Variants in MRPL46 observed in about 807,000 individuals in gnomAD.
MRPL46 encodes the protein mitochondrial ribosomal protein L46.
In MRPL46, 26 loss-of-function variants were observed where a neutral mutation model predicts 31.0. The observed-to-expected ratio is 0.84, with a 90% CI of 0.61 to 1.16. The LOEUF (loss-of-function observed/expected upper bound fraction) is 1.16, where lower values mean the gene tolerates loss of function less well. MRPL46 is among the 50% of genes most tolerant of loss of function. The probability of loss-of-function intolerance (pLI) is 0.00; values close to 1 mark genes in which losing one functional copy is unlikely to be tolerated. For synonymous variants in MRPL46, 159 were observed against 141.3 expected (o/e 1.13, Z -0.89); for missense variants, 395 against 340.0 (o/e 1.16, Z -1.27).
intron 2 of MRPL46, 193 bp downstream of exon 2, chr15:88,465,394 C>A: frequency 1.9e-6 from 1 of 538,946 alleles, no homozygotes; most frequent in South Asian, 4.2e-5. Flanking sequence ...AAGGCTATTC[C>A]AATACCCTTA....
In MRPL46 at chr15:88,459,665, T is replaced by C. The variant is rs771013191; in HGVS notation, c.788A>G (p.Tyr263Cys). Reference protein sequence around the residue: ...VWVTKDELGDYLKPKYLAQVR... With the variant: ...VWVTKDELGDCLKPKYLAQVR... Reference sequence around the variant, plus strand: ...TTGGGCCAGGTATTTTGGTTTCAAATAGTCACCCAGCTCATCCTTAGTGAC... The same window carrying C: ...TTGGGCCAGGTATTTTGGTTTCAAACAGTCACCCAGCTCATCCTTAGTGAC... Residue 263 changes from tyrosine (Y) to cysteine (C), a missense_variant, in exon 4 of 4, where the codon TAT becomes TGT. By Grantham distance (194) the Tyr-to-Cys change is radical. Coordinates refer to ENST00000312475, the MANE Select transcript of MRPL46 (RefSeq NM_022163.4). The C allele has an allele frequency of 5.0e-6, 8 of 1,614,216 alleles. No individual in the cohort carries two copies. The highest frequency in any genetic ancestry group is 5.9e-6 in the Non-Finnish European group (7 of 1,180,032).
intron 3 of MRPL46, chr15:88,461,477 A>G (rs957226440): frequency 2.0e-5 from 3 of 152,226 alleles, no homozygotes; most frequent in African/African-American, 7.2e-5. Context: ...ATGAAAATAA[A>G]TATCACTGGC....
At chr15:88,460,165 T>TTCAGCCCAGTCGCTATCTGCTGGCGAA (rs1468656362) in intron 3 of MRPL46, 8,835 of 350,456 alleles carry the variant, frequency 0.025, 815 homozygotes, top group African/African-American at 0.17. Flanking sequence ...AGTTCCTACA[T>TTCAGCCCAGTCGCTATCTGCTGGCGAA]TCAGCCCAGT....
chr15:88,463,584 GAGAGGAGTAGCTCTGTCTTCCTGA>G lies in MRPL46; in HGVS notation c.589+1095_589+1118del, dbSNP rs1294802179. 1 of 152,210 alleles carries G rather than the reference GAGAGGAGTAGCTCTGTCTTCCTGA, an allele frequency of 6.6e-6. No homozygotes were observed. Among genetic ancestry groups the G allele is most frequent in the African/African-American group, 2.4e-5 (1 of 41,454 alleles). 9.4% of individuals were successfully genotyped at this position (152,210 alleles called of 1,614,324 possible). A position where few individuals can be genotyped will look rare whatever the true frequency, so the allele number is the denominator to read the frequency against. On this transcript the variant is annotated intron_variant, in intron 3 of 3. Transcript: ENST00000312475. This position sits in a 1 kb window ranked among gnomAD's most constrained non-coding sequence, Gnocchi z 5.4. ...CACACCAGTGCTACGGGAGCCTAGA[GAGAGGAGTAGCTCTGTCTTCCTGA>G]AGGCTCAGGAAAGGTTTCACCACAT...
intron 1 of MRPL46, 51 bp downstream of exon 1, chr15:88,467,099 T>C: frequency 6.3e-7 from 1 of 1,588,428 alleles, no homozygotes; most frequent in Non-Finnish European, 8.6e-7. Context: ...AATTACTCGC[T>C]CAAAGTCACG....
chr15:88,465,874 C>T, intron 1 of MRPL46, 101 bp from the exon 2 acceptor site: 1 of 1,145,100 alleles, frequency 8.7e-7, no homozygotes, highest in South Asian at 1.7e-5. Context: ...ACTTGGCAAG[C>T]TCAGAAGTTT....
intron 1 of MRPL46, among the ~76,000 whole-genome samples, chr15:88,466,836 T>A (rs1407795373): frequency 1.3e-5 from 2 of 152,146 alleles, no homozygotes; most frequent in Non-Finnish European, 2.9e-5. Flanking sequence ...TTAACATTCA[T>A]CACATCACAA....
intron 1 of MRPL46, 137 bp downstream of exon 1, chr15:88,467,013 C>T (rs916640328): frequency 3.1e-6 from 3 of 967,004 alleles, no homozygotes; most frequent in Non-Finnish European, 4.6e-6. Context: ...TGTTGAACAT[C>T]TATGTACCAA....
chr15:88,465,108 C>T, intron 2 of MRPL46: 2 of 454,554 alleles, frequency 4.4e-6, no homozygotes, highest in Non-Finnish European at 7.6e-6. Flanking sequence ...GAACAGCAAA[C>T]CATATTTTGA....
chr15:88,464,569 A>G, intron 3 of MRPL46, 134 bp downstream of exon 3: 1 of 1,006,620 alleles, frequency 9.9e-7, no homozygotes, highest in Admixed American at 2.9e-5. Context: ...TTCTGGCTGA[A>G]ATTTTTATAA....
chr15:88,464,425 C>T (rs757079507), intron 3 of MRPL46: 32 of 376,598 alleles, frequency 8.5e-5, no homozygotes, highest in Non-Finnish European at 1.4e-4. Context: ...GATAAGAAGA[C>T]AAGCAGGCTG....
intron 3 of MRPL46, chr15:88,460,796 T>A (rs1016980118): frequency 6.6e-6 from 1 of 152,126 alleles, no homozygotes; most frequent in African/African-American, 2.4e-5. Context: ...AGTGCAGTCG[T>A]GCAATCTTGG....
In MRPL46 at chr15:88,459,652, T is replaced by C. The variant is rs2055458006; in HGVS notation, c.801A>G (p.Lys267=). The C allele has an allele frequency of 6.2e-7, 1 of 1,614,174 alleles. No homozygotes were observed. ...KDELGDYLKP[K]YLAQVRRFVS... Reference sequence around the variant, plus strand: ...CAAACCTCCTAACTTGGGCCAGGTATTTTGGTTTCAAATAGTCACCCAGCT... The same window carrying C: ...CAAACCTCCTAACTTGGGCCAGGTACTTTGGTTTCAAATAGTCACCCAGCT... Residue 267 remains lysine (K), a synonymous_variant, in exon 4 of 4, where the codon AAA becomes AAG. Transcript: ENST00000312475.
rs1324210778 is a variant in MRPL46 at position 88,465,673 on chromosome 15, T to C, written c.329A>G (p.Asp110Gly). 1.9e-6 allele frequency: 3 copies of C among 1,613,826 alleles called. No homozygotes were observed. The highest frequency in any genetic ancestry group is 1.7e-5 in the Admixed American group (1 of 59,956). The change falls in exon 2 of 4, where the codon GAT becomes GGT. Residue 110 changes from aspartate (D) to glycine (G), a missense_variant. Coordinates refer to ENST00000312475, the MANE Select transcript of MRPL46 (RefSeq NM_022163.4). ...TTGCGCCAGCAATATATCCTGTTCA[T>C]CTTCTTCATCATGAAGGTCAGCTTT... The part of the protein sequence containing the change: ...KKKADLHDEE[D>G]EQDILLAQDL...
At position 88,465,741 on chromosome 15, in the gene MRPL46, G is replaced by A. The variant is rs769108659; in HGVS notation, c.261C>T (p.His87=). 17 of 1,612,598 alleles carry A rather than the reference G, an allele frequency of 1.1e-5. No homozygotes were observed. Among genetic ancestry groups the A allele is most frequent in the South Asian group, 8.8e-5 (8 of 90,856 alleles). ...IEIERSLYSD[H]ELRALDENQR... ...GGTTTTCATCCAGAGCACGAAGCTCGTGGTCTGAATACAGGCTTCTCTCTA... is the reference window on the plus strand; with the variant it reads ...GGTTTTCATCCAGAGCACGAAGCTCATGGTCTGAATACAGGCTTCTCTCTA... Residue 87 remains histidine, a synonymous_variant, in exon 2 of 4, where the codon CAC becomes CAT. Coordinates refer to ENST00000312475, the MANE Select transcript of MRPL46 (RefSeq NM_022163.4).
chr15:88,464,994 C>A (rs2055510473), intron 2 of MRPL46, 118 bp from the exon 3 acceptor site: 3 of 1,115,338 alleles, frequency 2.7e-6, no homozygotes, highest in Non-Finnish European at 3.8e-6. Context: ...AGCTTAGAAC[C>A]AAATTACACC....
At chr15:88,461,400 T>A (rs2055476106) in intron 3 of MRPL46, 1 of 150,184 alleles carries the variant, frequency 6.7e-6, no homozygotes, top group Non-Finnish European at 1.5e-5. Context: ...GGAAAAAAAA[T>A]CAATGAGGAA....
Position 88,464,704 on chromosome 15 carries a change from TGA to T in MRPL46, c.586_587del (p.Ser196ArgfsTer30). ...GTAERTLATL[S>X]ENNMEAKFLG... ...TTTAGAGGAAGGCAGAAAACCCACC[TGA>T]GAGTGTGGCCAGGGTTCGTTCAGCT... is the stretch of plus-strand genomic sequence containing the variant. On this transcript the variant is annotated frameshift_variant and splice_region_variant, in exon 3 of 4. Transcript: ENST00000312475. LOFTEE classifies it high-confidence loss of function. The T allele has an allele frequency of 6.9e-7, 1 of 1,440,246 alleles. No individual in the cohort carries two copies. Among genetic ancestry groups the T allele is most frequent in the Non-Finnish European group, 9.3e-7 (1 of 1,069,726 alleles). The allele number at this position is 1,440,246 out of a possible 1,614,324, so 89.2% of individuals were successfully genotyped here. A position where few individuals can be genotyped will look rare whatever the true frequency, so the allele number is the denominator to read the frequency against.
At chr15:88,467,056 A>T in intron 1 of MRPL46, 94 bp downstream of exon 1, 4 of 1,376,774 alleles carry the variant, frequency 2.9e-6, no homozygotes, top group Non-Finnish European at 4.1e-6. Context: ...CATTCTGCGG[A>T]TAAGTACCGT....
Sources: gnomAD v4.1 joint callset for allele counts (sites outside exome capture counted in the v4.1 genomes callset) on GRCh38, gnomAD v4.1.1 for gene constraint, Gnocchi (gnomAD v3.1) non-coding constraint, MANE v1.5 for transcripts, NCBI Gene and HGNC (gene_info 2026-07-23, HGNC 2026-07-21) for gene names.